Variants in RETREG3 observed in about 807,000 individuals in gnomAD.
RETREG3 encodes the protein reticulophagy regulator family member 3, also known as reticulophagy regulator 3.
RETREG3 carries 23 observed loss-of-function variants against 50.2 expected under a neutral mutation model. The observed-to-expected ratio is 0.46, with a 90% CI of 0.33 to 0.65. RETREG3 has a LOEUF of 0.65. Among genes scored for constraint, RETREG3 ranks in the 30% least tolerant of loss-of-function variants. The pLI is 0.02. For missense variants in RETREG3, 546 were observed against 598.0 expected (o/e 0.91, Z 0.91); for synonymous variants, 240 against 234.4 (o/e 1.02, Z -0.22).
At position 42,586,035 on chromosome 17, in the gene RETREG3, G is replaced by A. The variant is rs1183281721; in HGVS notation, c.589+18C>T. On this transcript the variant is annotated intron_variant, in intron 5 of 8. Coordinates refer to ENST00000309428, the MANE Select transcript of RETREG3 (RefSeq NM_178126.4). ...TGAGCAGGGTATACTTTGTAGGGGAGGTATATGTCATACTTACGCATCAAG... is the reference window on the plus strand; with the variant it reads ...TGAGCAGGGTATACTTTGTAGGGGAAGTATATGTCATACTTACGCATCAAG... The A allele has an allele frequency of 1.9e-6, 3 of 1,612,402 alleles. No homozygotes were observed. Among genetic ancestry groups the A allele is most frequent in the African/African-American group, 1.3e-5 (1 of 74,984 alleles).
intron 1 of RETREG3, among the ~76,000 whole-genome samples, chr17:42,593,641 C>T (rs190085404): frequency 0.015 from 2,013 of 135,406 alleles, 45 homozygotes; most frequent in African/African-American, 0.052. Context: ...GAGCAAGACT[C>T]CGTCTCAAAA....
At chr17:42,608,908 G>A in intron 1 of RETREG3, 178 bp downstream of exon 1, 1 of 629,552 alleles carries the variant, frequency 1.6e-6, no homozygotes, top group Middle Eastern at 3.4e-4. Flanking sequence ...GACGGCCCTG[G>A]GAAGAACTAG....
chr17:42,602,901 C>T (rs562750753), intron 1 of RETREG3, among the ~76,000 whole-genome samples: 2 of 152,232 alleles, frequency 1.3e-5, no homozygotes, highest in South Asian at 4.1e-4. Context: ...CATGATCACA[C>T]CACTGCTCTC....
chr17:42,585,291 A>G, intron 5 of RETREG3, 29 bp from the exon 6 acceptor site: 2 of 1,609,272 alleles, frequency 1.2e-6, no homozygotes, highest in East Asian at 4.5e-5. Context: ...AACAGTGACA[A>G]AATGGAGAAG....
At chr17:42,597,986 T>G (rs2143412755) in intron 1 of RETREG3, among the ~76,000 whole-genome samples, 1 of 144,058 alleles carries the variant, frequency 6.9e-6, no homozygotes, top group South Asian at 2.3e-4. Context: ...GTTTTTTTTT[T>G]TTTTTTTTTT....
Position 42,581,680 on chromosome 17 carries a change from C to T in RETREG3, c.*133G>A. On this transcript the variant is annotated 3_prime_UTR_variant, in exon 9 of 9. Coordinates refer to ENST00000309428, the MANE Select transcript of RETREG3 (RefSeq NM_178126.4). ...TGTCCTCTCTAAGGAGGCCTCTGAGCATCAGCCAGGCCACCCAGCATACAA... is the reference window on the plus strand; with the variant it reads ...TGTCCTCTCTAAGGAGGCCTCTGAGTATCAGCCAGGCCACCCAGCATACAA... The T allele has an allele frequency of 8.7e-6, 7 of 808,916 alleles. No homozygotes were observed. The highest frequency in any genetic ancestry group is 1.3e-5 in the Non-Finnish European group (7 of 532,652). The allele number at this position is 808,916 out of a possible 1,614,324, so 50.1% of individuals were successfully genotyped here.
At chr17:42,583,365 C>G (rs531514212) in intron 7 of RETREG3, 133 bp downstream of exon 7, 1 of 688,314 alleles carries the variant, frequency 1.5e-6, no homozygotes, top group Admixed American at 3.2e-5. Flanking sequence ...CAAAGTCTCA[C>G]TTCTCTCCTT....
At chr17:42,608,828 T>G in intron 1 of RETREG3, 1 of 509,558 alleles carries the variant, frequency 2.0e-6, no homozygotes, top group Non-Finnish European at 3.5e-6. Context: ...CGGCTCAAGA[T>G]GTTACCAGAA....
chr17:42,592,216 A>G (rs1597736540), intron 1 of RETREG3, 54 bp from the exon 2 acceptor site: 2 of 1,480,618 alleles, frequency 1.4e-6, no homozygotes, highest in East Asian at 4.5e-5. Context: ...TCCTAATTTC[A>G]GAAAAGGCCA....
At chr17:42,601,396 C>A (rs1231762035) in intron 1 of RETREG3, among the ~76,000 whole-genome samples, 1 of 151,294 alleles carries the variant, frequency 6.6e-6, no homozygotes, top group African/African-American at 2.4e-5. Context: ...CACGGTGAAA[C>A]CCTGGCTCTA....
chr17:42,601,602 C>T (rs2093158717), intron 1 of RETREG3, among the ~76,000 whole-genome samples: 1 of 140,806 alleles, frequency 7.1e-6, no homozygotes, highest in Admixed American at 7.4e-5. Flanking sequence ...GAAAAATAAA[C>T]GAAAAATAAA....
chr17:42,603,845 C>T (rs933971492), intron 1 of RETREG3, among the ~76,000 whole-genome samples: 3 of 152,050 alleles, frequency 2.0e-5, no homozygotes, highest in South Asian at 4.1e-4. Flanking sequence ...GGCATGGTGG[C>T]GGGCGCCTGT....
chr17:42,581,048 A>AAAAAAGG lies in RETREG3; in HGVS notation c.*764_*765insCCTTTTT, dbSNP rs3067882. 6.8e-5 allele frequency: 8 copies of AAAAAAGG among 117,930 alleles called. No homozygotes were observed. The highest frequency in any genetic ancestry group is 1.0e-4 in the Non-Finnish European group (6 of 60,242). The allele number at this position is 117,930 out of a possible 1,614,324, so 7.3% of individuals were successfully genotyped here. On this transcript the variant is annotated 3_prime_UTR_variant, in exon 9 of 9. Transcript: ENST00000309428. ...AGAGAGACTCTGTCTCAAAAAAAAA[A>AAAAAAGG]AAAAGAAAAGAAAAGAAAAGAAAAA...
chr17:42,596,871 GAAT>G (rs1290187904), intron 1 of RETREG3, among the ~76,000 whole-genome samples: 2 of 78,724 alleles, frequency 2.5e-5, no homozygotes, highest in Non-Finnish European at 4.5e-5. Flanking sequence ...CTGTTTGGAA[GAAT>G]TTTTTTTTTT....
At chr17:42,596,569 T>C (rs2093145577) in intron 1 of RETREG3, 1 of 152,038 alleles carries the variant, frequency 6.6e-6, no homozygotes, top group African/African-American at 2.4e-5. Flanking sequence ...TTCAATTACA[T>C]CTTGTCCATC....
chr17:42,586,529 T>C (rs1025768711), intron 4 of RETREG3: 4 of 447,258 alleles, frequency 8.9e-6, no homozygotes, highest in Non-Finnish European at 1.6e-5. Context: ...CTTTCCTATC[T>C]TGAAGCAAGA....
chr17:42,585,080 C>T (rs565630444), intron 6 of RETREG3, 45 bp downstream of exon 6: 90 of 1,600,958 alleles, frequency 5.6e-5, no homozygotes, highest in South Asian at 5.4e-4. Context: ...TTCTCCTTTT[C>T]GCCCCAAATT....
At chr17:42,604,197 A>T (rs1359682996) in intron 1 of RETREG3, among the ~76,000 whole-genome samples, 2 of 152,052 alleles carry the variant, frequency 1.3e-5, no homozygotes, top group Admixed American at 6.6e-5. Context: ...AAATTTTTAC[A>T]TTTCATTTGT....
chr17:42,581,984 C>G lies in RETREG3; in HGVS notation c.1230G>C (p.Leu410Phe). The G allele has an allele frequency of 6.2e-7, 1 of 1,614,156 alleles. No individual in the cohort carries two copies. The highest frequency in any genetic ancestry group is 8.5e-7 in the Non-Finnish European group (1 of 1,180,032). ...LVSQGMIQLA[L>F]SGASQPGPSG... The stretch of plus-strand genomic sequence containing the variant: ...AAGGGCCTGGTTGGGAGGCCCCTGA[C>G]AAGGCCAGCTGAATCATACCCTGGG... The change falls in exon 9 of 9, where the codon TTG becomes TTC. Residue 410 changes from leucine to phenylalanine, a missense_variant. Transcript: ENST00000309428.
Sources: gnomAD v4.1 joint callset for allele counts (sites outside exome capture counted in the v4.1 genomes callset) on GRCh38, gnomAD v4.1.1 for gene constraint, MANE v1.5 for transcripts, NCBI Gene and HGNC (gene_info 2026-07-23, HGNC 2026-07-21) for gene names.